Variants in SLC9A2 observed in about 807,000 individuals in gnomAD.
SLC9A2 encodes the protein sodium/hydrogen exchanger 2.
SLC9A2 carries 42 observed loss-of-function variants against 71.7 expected under a neutral mutation model. The ratio of observed to expected loss-of-function variants is 0.59; its 90% CI spans 0.46 to 0.76. The LOEUF (loss-of-function observed/expected upper bound fraction) is 0.76. Ranked by LOEUF, SLC9A2 falls within the 30% of genes least tolerant of loss-of-function variation. The pLI is 0.00. For synonymous variants in SLC9A2, 396 were observed against 392.5 expected, an observed-to-expected ratio of 1.01 and a Z score of -0.10; for missense variants, 829 against 1,017.4, an observed-to-expected ratio of 0.81 and a Z score of 2.52.
At chr2:102,647,149 T>G (rs1000473830) in intron 1 of SLC9A2, among the ~76,000 whole-genome samples, 1 of 152,142 alleles carries the variant, frequency 6.6e-6, no homozygotes, top group African/African-American at 2.4e-5. Flanking sequence ...TAACTCAGGA[T>G]TAAGAAACTC....
chr2:102,635,635 C>T (rs924682429), intron 1 of SLC9A2, among the ~76,000 whole-genome samples: 3 of 152,154 alleles, frequency 2.0e-5, no homozygotes, highest in South Asian at 2.1e-4. Context: ...TCACTTACAA[C>T]GTATATAGTT....
intron 1 of SLC9A2, among the ~76,000 whole-genome samples, chr2:102,655,809 G>A (rs1251760155): frequency 2.6e-5 from 4 of 152,358 alleles, no homozygotes; most frequent in African/African-American, 9.6e-5. Flanking sequence ...AGGCTGGGCA[G>A]TCTAAGCTCA....
rs368244672 is a variant in SLC9A2, at chr2:102,703,091, C to T, written c.1845+589C>T. Among the ~76,000 whole-genome samples the T allele has an allele frequency of 7.9e-5, 12 of 152,294 alleles. No homozygotes were observed. The East Asian group carries it at 9.7e-4, about 12-fold the overall frequency. ...AGGCACAGGGAGGTGAAGTGGCACA[C>T]GGGCCACACAGCTTGTCAGGAGTCC... On this transcript the variant is annotated intron_variant, in intron 9 of 11. Transcript: ENST00000233969.
chr2:102,684,484 C>T, intron 5 of SLC9A2, 148 bp downstream of exon 5: 2 of 772,356 alleles, frequency 2.6e-6, no homozygotes, highest in Non-Finnish European at 4.3e-6. Context: ...GGGTTCATGT[C>T]ACTAGATTGT....
At chr2:102,673,858 C>T (rs1473741478) in intron 3 of SLC9A2, among the ~76,000 whole-genome samples, 1 of 150,676 alleles carries the variant, frequency 6.6e-6, no homozygotes, top group African/African-American at 2.4e-5. Context: ...GTGATCTTGG[C>T]TCACTGCAAG....
intron 1 of SLC9A2, among the ~76,000 whole-genome samples, chr2:102,644,568 G>A (rs1017623690): frequency 1.3e-5 from 2 of 152,214 alleles, no homozygotes; most frequent in African/African-American, 4.8e-5. Context: ...CCACTGGCTT[G>A]AAATTCTTGC....
chr2:102,642,012 C>T (rs557881043), intron 1 of SLC9A2, among the ~76,000 whole-genome samples: 4 of 122,600 alleles, frequency 3.3e-5, no homozygotes, highest in South Asian at 6.4e-4. Flanking sequence ...CAAACCTGCA[C>T]GTTATGCACA....
At chr2:102,678,690 A>T in intron 3 of SLC9A2, among the ~76,000 whole-genome samples, 1 of 152,156 alleles carries the variant, frequency 6.6e-6, no homozygotes, top group East Asian at 1.9e-4. Flanking sequence ...TCTCCTGGCC[A>T]TATACTTCAG....
intron 1 of SLC9A2, among the ~76,000 whole-genome samples, chr2:102,643,498 G>A (rs889487833): frequency 1.9e-4 from 29 of 152,130 alleles, no homozygotes; most frequent in Non-Finnish European, 4.4e-5. Flanking sequence ...GGCTTTTGTT[G>A]CCTGTGCCCA....
intron 1 of SLC9A2, among the ~76,000 whole-genome samples, chr2:102,638,288 C>T (rs1333655159): frequency 2.0e-5 from 3 of 152,140 alleles, no homozygotes; most frequent in Non-Finnish European, 4.4e-5. Context: ...GACTCAGGAT[C>T]AGTTGGAATA....
At chr2:102,653,529 G>A (rs1421278488) in intron 1 of SLC9A2, among the ~76,000 whole-genome samples, 1 of 152,132 alleles carries the variant, frequency 6.6e-6, no homozygotes, top group East Asian at 1.9e-4. Flanking sequence ...CGAGTTTCTG[G>A]TCAGGATCAG....
At chr2:102,664,016 C>T (rs1677091363) in intron 2 of SLC9A2, among the ~76,000 whole-genome samples, 1 of 152,120 alleles carries the variant, frequency 6.6e-6, no homozygotes, top group African/African-American at 2.4e-5. Context: ...TGGCTCATGC[C>T]TGTAATCCTA....
chr2:102,689,249 G>T (rs1237270935), intron 5 of SLC9A2, among the ~76,000 whole-genome samples: 1 of 152,160 alleles, frequency 6.6e-6, no homozygotes, highest in African/African-American at 2.4e-5. Context: ...GCAGGAGGGG[G>T]ATATATTTGA....
intron 1 of SLC9A2, 131 bp from the exon 2 acceptor site, chr2:102,657,433 T>C: frequency 1.6e-6 from 1 of 627,892 alleles, no homozygotes; most frequent in Non-Finnish European, 2.8e-6. Context: ...TGGGAAGCCA[T>C]TGTAAAGACA....
At chr2:102,621,606 A>G (rs2104492667) in intron 1 of SLC9A2, among the ~76,000 whole-genome samples, 1 of 152,316 alleles carries the variant, frequency 6.6e-6, no homozygotes, top group South Asian at 2.1e-4. Context: ...CATGTGTTTT[A>G]CGTCTTTACC....
chr2:102,670,012 T>TA (rs1233818332), intron 3 of SLC9A2, among the ~76,000 whole-genome samples: 2 of 124,022 alleles, frequency 1.6e-5, no homozygotes, highest in East Asian at 1.2e-3. Context: ...GTGCCCAATA[T>TA]TTTTTTTATT....
At chr2:102,696,568 C>T (rs1332985976) in intron 7 of SLC9A2, among the ~76,000 whole-genome samples, 1 of 152,098 alleles carries the variant, frequency 6.6e-6, no homozygotes, top group African/African-American at 2.4e-5. Flanking sequence ...ACAGACACAA[C>T]AAAACCGTCA....
intron 3 of SLC9A2, among the ~76,000 whole-genome samples, chr2:102,674,119 G>A (rs1230063313): frequency 1.3e-5 from 2 of 152,016 alleles, no homozygotes; most frequent in Non-Finnish European, 2.9e-5. Context: ...AATATTTTTA[G>A]AAAAACTGAA....
intron 3 of SLC9A2, among the ~76,000 whole-genome samples, chr2:102,675,599 G>A (rs1350280009): frequency 6.6e-6 from 1 of 152,056 alleles, no homozygotes; most frequent in Non-Finnish European, 1.5e-5. Flanking sequence ...GCAGGGATAA[G>A]GTGCCTAGGT....
Sources: gnomAD v4.1 joint callset for allele counts (sites outside exome capture counted in the v4.1 genomes callset) on GRCh38, gnomAD v4.1.1 for gene constraint, MANE v1.5 for transcripts, NCBI Gene and HGNC (gene_info 2026-07-23, HGNC 2026-07-21) for gene names.